Variants in NELL2 observed in about 807,000 individuals in gnomAD.
NELL2 encodes the protein neural EGFL like 2.
NELL2 carries 41 observed loss-of-function variants against 109.6 expected under a neutral mutation model. The observed-to-expected ratio is 0.37, with a 90% CI of 0.29 to 0.49. NELL2 has a LOEUF of 0.49. Ranked by LOEUF, NELL2 falls within the 20% of genes least tolerant of loss-of-function variation. The probability of loss-of-function intolerance (pLI) is 0.98; values close to 1 mark genes in which losing one functional copy is unlikely to be tolerated. For missense variants in NELL2, 900 were observed against 1,008.3 expected, an observed-to-expected ratio of 0.89 and a Z score of 1.45; for synonymous variants, 355 against 344.7, an observed-to-expected ratio of 1.03 and a Z score of -0.33.
intron 1 of NELL2, among the ~76,000 whole-genome samples, chr12:44,881,342 C>T (rs1041739610): frequency 6.6e-6 from 1 of 151,870 alleles, no homozygotes; most frequent in Admixed American, 6.5e-5. Flanking sequence ...ATTAAAGAAA[C>T]TATTATAAAA....
chr12:44,894,403 A>G (rs1945570090), intron 1 of NELL2, among the ~76,000 whole-genome samples: 1 of 152,212 alleles, frequency 6.6e-6, no homozygotes, highest in South Asian at 2.1e-4. Context: ...CAGCAAGCTC[A>G]GGATATTTGT....
At chr12:44,629,244 T>C (rs570115079) in intron 13 of NELL2, among the ~76,000 whole-genome samples, 3 of 152,308 alleles carry the variant, frequency 2.0e-5, no homozygotes, top group Non-Finnish European at 2.9e-5. Flanking sequence ...AATATCAGGT[T>C]AGGAGAGTTT....
Position 44,812,250 on chromosome 12 carries a change from C to G in NELL2, c.335+3736G>C, listed in dbSNP as rs114294154. 5.2e-3 allele frequency among the ~76,000 whole-genome samples: 784 copies of G among 152,156 alleles called. 4 individuals carry two copies. Among genetic ancestry groups the G allele is most frequent in the African/African-American group, 0.017 (720 of 41,504 alleles). ...TGTATATGACTGTCTTGCATATTAC[C>G]AAGAAAGTGTCTCCAAAGGGGGCAG... On this transcript the variant is annotated intron_variant, in intron 3 of 19. Transcript: ENST00000429094.
intron 15 of NELL2, among the ~76,000 whole-genome samples, chr12:44,561,188 TAA>T (rs1490262750): frequency 6.6e-6 from 1 of 152,164 alleles, no homozygotes; most frequent in Non-Finnish European, 1.5e-5. Flanking sequence ...CTCAAAATAA[TAA>T]GAGCTATTTA....
At chr12:44,722,767 A>T (rs1938849457) in intron 9 of NELL2, among the ~76,000 whole-genome samples, 1 of 152,210 alleles carries the variant, frequency 6.6e-6, no homozygotes, top group African/African-American at 2.4e-5. Context: ...TCCAATGAAC[A>T]TCCAGTCTAG....
At chr12:44,782,811 C>T (rs545050761) in intron 3 of NELL2, among the ~76,000 whole-genome samples, 13 of 151,988 alleles carry the variant, frequency 8.6e-5, no homozygotes, top group Non-Finnish European at 1.8e-4. Flanking sequence ...CAGACGTCAA[C>T]ACCCCTGTTT....
Position 44,779,913 on chromosome 12 carries a change from T to G in NELL2, c.445A>C (p.Lys149Gln), listed in dbSNP as rs749321490. The G allele has an allele frequency of 4.3e-6, 7 of 1,613,828 alleles. No individual in the cohort carries two copies. The highest frequency in any genetic ancestry group is 5.9e-6 in the Non-Finnish European group (7 of 1,179,832). ...EVFPYILADDKWHKLSLAISA... is the reference protein window; with the variant it reads ...EVFPYILADDQWHKLSLAISA... ...ATGGCTAAGGAGAGCTTGTGCCACT[T>G]GTCATCAGCCAAAATGTAAGGAAAC... Residue 149 changes from lysine (K) to glutamine (Q), a missense_variant, in exon 4 of 20, where the codon AAG (lysine) becomes CAG (glutamine). By Grantham distance (53) the Lys-to-Gln change is moderately conservative. Transcript: ENST00000429094.
At chr12:44,818,072 A>C (rs867904144) in intron 2 of NELL2, among the ~76,000 whole-genome samples, 2 of 152,250 alleles carry the variant, frequency 1.3e-5, no homozygotes, top group Non-Finnish European at 2.9e-5. Flanking sequence ...CAAAAGCATA[A>C]GAGTAATCTG....
intron 3 of NELL2, among the ~76,000 whole-genome samples, chr12:44,784,693 G>A (rs145839411): frequency 6.6e-6 from 1 of 152,024 alleles, no homozygotes; most frequent in Non-Finnish European, 1.5e-5. Flanking sequence ...CGATCAAGTC[G>A]GCTTCATCCC....
intron 9 of NELL2, among the ~76,000 whole-genome samples, chr12:44,724,172 A>G (rs1938946346): frequency 6.6e-6 from 1 of 151,580 alleles, no homozygotes; most frequent in East Asian, 1.9e-4. Context: ...GTTCTTACTG[A>G]TAAGTGGGAG....
At chr12:44,734,796 T>G (rs1939552126) in intron 9 of NELL2, among the ~76,000 whole-genome samples, 1 of 152,088 alleles carries the variant, frequency 6.6e-6, no homozygotes, top group African/African-American at 2.4e-5. Context: ...ATGAGGATAA[T>G]GGTAATTATA....
chr12:44,663,562 C>T (rs529859461), intron 13 of NELL2, among the ~76,000 whole-genome samples: 1 of 152,234 alleles, frequency 6.6e-6, no homozygotes, highest in African/African-American at 2.4e-5. Context: ...TACTCCCTTC[C>T]CATTCTTACA....
intron 13 of NELL2, among the ~76,000 whole-genome samples, chr12:44,630,465 A>G (rs1946414286): frequency 6.6e-6 from 1 of 152,182 alleles, no homozygotes; most frequent in Non-Finnish European, 1.5e-5. Context: ...GATCTTCTTC[A>G]TTTGAAAGTG....
rs576636550 is a variant in NELL2, at chr12:44,742,694, G to C, written c.995-27953C>G. On this transcript the variant is annotated intron_variant, in intron 9 of 19. Coordinates refer to ENST00000429094, the MANE Select transcript of NELL2 (RefSeq NM_001145108.2). ...AGCCGATGCGATCAACTGGAAGAAA[G>C]GGTATCAGTGATGGAAGACAAAATG... Among the ~76,000 whole-genome samples, 53 of 152,284 alleles carry C rather than the reference G, an allele frequency of 3.5e-4. No individual in the cohort carries two copies. In the South Asian group the frequency reaches 7.1e-3, roughly 20 times the overall value.
At chr12:44,842,105 G>A (rs144210091) in intron 2 of NELL2, among the ~76,000 whole-genome samples, 1 of 9,388 alleles carries the variant, frequency 1.1e-4, no homozygotes, top group African/African-American at 3.4e-4. Context: ...GGGAGGGAGG[G>A]AGGGAGGAAG....
At chr12:44,652,805 G>A (rs965411813) in intron 13 of NELL2, among the ~76,000 whole-genome samples, 1 of 152,184 alleles carries the variant, frequency 6.6e-6, no homozygotes, top group Non-Finnish European at 1.5e-5. Context: ...CCACAGGCCT[G>A]CGTTTCTCCC....
At chr12:44,525,877 A>G (rs1941746589) in intron 16 of NELL2, among the ~76,000 whole-genome samples, 1 of 152,146 alleles carries the variant, frequency 6.6e-6, no homozygotes, top group African/African-American at 2.4e-5. Context: ...TAGGTTTGGC[A>G]ATTATACTAT....
At chr12:44,587,538 T>C (rs1944572340) in intron 15 of NELL2, among the ~76,000 whole-genome samples, 1 of 152,004 alleles carries the variant, frequency 6.6e-6, no homozygotes, top group African/African-American at 2.4e-5. Context: ...TATTAATGTC[T>C]AATAATGCTG....
intron 2 of NELL2, among the ~76,000 whole-genome samples, chr12:44,868,853 C>T (rs1285659569): frequency 6.6e-6 from 1 of 151,924 alleles, no homozygotes; most frequent in African/African-American, 2.4e-5. Context: ...ACATTGTACT[C>T]TTCAAAATTT....
Sources: allele counts gnomAD v4.1 joint callset (sites outside exome capture counted in the v4.1 genomes callset), GRCh38; gene constraint gnomAD v4.1.1; transcripts MANE v1.5; gene names NCBI Gene and HGNC (gene_info 2026-07-23, HGNC 2026-07-21).